GRIK2: variants seen among roughly 807,000 people sequenced by gnomAD.
GRIK2 encodes the protein glutamate ionotropic receptor kainate type subunit 2, also known as glutamate receptor ionotropic, kainate 2.
Under a neutral mutation model 100.3 loss-of-function variants are expected in GRIK2, and 32 were observed. That is an observed-to-expected ratio of 0.32 (90% CI 0.24 to 0.43). The LOEUF (loss-of-function observed/expected upper bound fraction) is 0.43, where lower values mean the gene tolerates loss of function less well. GRIK2 is among the 20% of genes least tolerant of loss of function. The pLI is 1.00. For synonymous variants in GRIK2, 417 were observed against 389.4 expected, an observed-to-expected ratio of 1.07 and a Z score of -0.83; for missense variants, 843 against 1,114.9, an observed-to-expected ratio of 0.76 and a Z score of 3.47.
intron 9 of GRIK2, among the ~76,000 whole-genome samples, chr6:101,817,706 A>G (rs114183610): frequency 0.012 from 1,785 of 152,332 alleles, 38 homozygotes; most frequent in African/African-American, 0.04. Flanking sequence ...TATATGACCT[A>G]ATCTATCAGA....
At chr6:101,543,777 C>T (rs942237192) in intron 2 of GRIK2, among the ~76,000 whole-genome samples, 1 of 152,262 alleles carries the variant, frequency 6.6e-6, no homozygotes, top group South Asian at 2.1e-4. Flanking sequence ...TTTTAAAGTG[C>T]TTAAACAGTG....
In GRIK2 at chr6:101,755,140, T is replaced by C. The variant is rs1158541710; in HGVS notation, c.952-44508T>C. On this transcript the variant is annotated intron_variant, in intron 7 of 16. Coordinates refer to ENST00000369134, the MANE Select transcript of GRIK2 (RefSeq NM_021956.5). ...TTATGACAGGATTAGCATAAATCAT[T>C]TCTTTTCTTTTTTCTTTTTGGTTTT... Among the ~76,000 whole-genome samples the C allele has an allele frequency of 2.0e-5, 3 of 151,590 alleles. No homozygotes were observed. The East Asian group carries it at 5.9e-4, about 30-fold the overall frequency.
In GRIK2 at chr6:101,812,836, G is replaced by A. The variant is rs190203982; in HGVS notation, c.1204-5534G>A. Among the ~76,000 whole-genome samples the A allele has an allele frequency of 3.0e-4, 46 of 152,070 alleles. 1 individual carries two copies. The highest frequency in any genetic ancestry group is 2.5e-3 in the East Asian group (13 of 5,180). ...AGATACATGCATAAGGTAGTGAAAA[G>A]GGAAAGAGTACACCTTCTATAGAAG... On this transcript the variant is annotated intron_variant, in intron 9 of 16. Transcript: ENST00000369134.
At chr6:101,783,544 C>A (rs1440669423) in intron 7 of GRIK2, among the ~76,000 whole-genome samples, 5 of 152,020 alleles carry the variant, frequency 3.3e-5, no homozygotes, top group South Asian at 4.1e-4. Flanking sequence ...ATAAAGATAA[C>A]CTGAAAATGT....
Position 101,438,953 on chromosome 6 carries a change from T to C in GRIK2, c.115+39561T>C, listed in dbSNP as rs147598610. ...GTTATTGAGGTTGTTGATAAGTGTA[T>C]AGAACTAATGAGGTTTGTTATATTT... On this transcript the variant is annotated intron_variant, in intron 2 of 16. Coordinates refer to ENST00000369134, the MANE Select transcript of GRIK2 (RefSeq NM_021956.5). Among the ~76,000 whole-genome samples, 36 of 152,256 alleles carry C rather than the reference T, an allele frequency of 2.4e-4. No individual in the cohort carries two copies. The East Asian group carries it at 5.4e-3, about 23-fold the overall frequency.
intron 10 of GRIK2, among the ~76,000 whole-genome samples, chr6:101,849,584 T>C (rs1053483656): frequency 3.9e-5 from 6 of 152,036 alleles, no homozygotes; most frequent in Non-Finnish European, 8.8e-5. Flanking sequence ...AAAACTAGAT[T>C]GCCCTCTTAC....
At chr6:101,931,491 G>A (rs1790282935) in intron 14 of GRIK2, among the ~76,000 whole-genome samples, 1 of 152,076 alleles carries the variant, frequency 6.6e-6, no homozygotes, top group Non-Finnish European at 1.5e-5. Flanking sequence ...AAGAAGAGCT[G>A]GCTCCAGATA....
chr6:102,056,118 G>A (rs1376555546), intron 16 of GRIK2, among the ~76,000 whole-genome samples: 1 of 151,846 alleles, frequency 6.6e-6, no homozygotes, highest in African/African-American at 2.4e-5. Context: ...TAATGAGTGT[G>A]TGAAAATAGT....
intron 3 of GRIK2, 64 bp downstream of exon 3, chr6:101,622,180 A>T: frequency 1.0e-6 from 1 of 964,868 alleles, no homozygotes; most frequent in Non-Finnish European, 1.6e-6. Context: ...TTCTTAAGAG[A>T]TTTTTTTATT....
intron 14 of GRIK2, among the ~76,000 whole-genome samples, chr6:101,994,859 CAGTA>C (rs1197883480): frequency 6.6e-6 from 1 of 151,756 alleles, no homozygotes; most frequent in African/African-American, 2.4e-5. Flanking sequence ...CTATAGCTCA[CAGTA>C]AGAAATAAGA....
chr6:101,968,437 C>T (rs573470930), intron 14 of GRIK2, among the ~76,000 whole-genome samples: 17 of 152,018 alleles, frequency 1.1e-4, no homozygotes, highest in East Asian at 5.8e-4. Context: ...CAGTTTTTTA[C>T]ATGACAACTT....
At chr6:101,716,336 A>G (rs961033719) in intron 7 of GRIK2, among the ~76,000 whole-genome samples, 1 of 151,756 alleles carries the variant, frequency 6.6e-6, no homozygotes, top group Non-Finnish European at 1.5e-5. Context: ...AAAGAAGGCA[A>G]TAAATAAAAT....
chr6:101,604,084 A>G (rs1412063608), intron 2 of GRIK2, among the ~76,000 whole-genome samples: 2 of 151,720 alleles, frequency 1.3e-5, no homozygotes, highest in East Asian at 1.9e-4. Context: ...ATATATTAGC[A>G]TACTAGCACT....
chr6:101,874,018 T>G (rs1785625033), intron 11 of GRIK2, among the ~76,000 whole-genome samples: 1 of 152,176 alleles, frequency 6.6e-6, no homozygotes, highest in Non-Finnish European at 1.5e-5. Context: ...ATGAGTAGAT[T>G]GCAAAAATTT....
intron 12 of GRIK2, among the ~76,000 whole-genome samples, chr6:101,909,572 G>A (rs530650415): frequency 1.3e-4 from 19 of 150,760 alleles, no homozygotes; most frequent in East Asian, 7.8e-4. Context: ...GCCTTCTTTC[G>A]TGAGCACATT....
intron 4 of GRIK2, among the ~76,000 whole-genome samples, chr6:101,671,244 T>C (rs1346110290): frequency 6.6e-6 from 1 of 152,188 alleles, no homozygotes; most frequent in African/African-American, 2.4e-5. Context: ...ACTCTAAAAG[T>C]ATTTGAAATA....
intron 2 of GRIK2, among the ~76,000 whole-genome samples, chr6:101,590,865 A>C (rs571592885): frequency 2.0e-5 from 3 of 151,978 alleles, no homozygotes; most frequent in African/African-American, 7.2e-5. Flanking sequence ...CTCTCTTTAC[A>C]TGAAATTTTA....
At chr6:101,649,923 A>G (rs1185716781) in intron 4 of GRIK2, among the ~76,000 whole-genome samples, 1 of 152,098 alleles carries the variant, frequency 6.6e-6, no homozygotes, top group Non-Finnish European at 1.5e-5. Context: ...TAGGACTGCA[A>G]AGGAGATCAG....
At chr6:101,624,927 G>C (rs1170870268) in intron 3 of GRIK2, among the ~76,000 whole-genome samples, 1 of 151,940 alleles carries the variant, frequency 6.6e-6, no homozygotes, top group East Asian at 1.9e-4. Context: ...TTGTTTGTTT[G>C]TTTTTGTTTT....
Sources: allele counts gnomAD v4.1 joint callset (sites outside exome capture counted in the v4.1 genomes callset), GRCh38; gene constraint gnomAD v4.1.1; transcripts MANE v1.5; gene names NCBI Gene and HGNC (gene_info 2026-07-23, HGNC 2026-07-21).